Variants in C12orf60 observed in about 807,000 individuals in gnomAD.
C12orf60 encodes chromosome 12 open reading frame 60.
For synonymous variants in C12orf60, 102 were observed against 94.6 expected (o/e 1.08, Z -0.45); for missense variants, 284 against 283.2 (o/e 1.00, Z -0.02).
intron 1 of C12orf60, among the ~76,000 whole-genome samples, chr12:14,816,442 C>T (rs1024409527): frequency 6.6e-6 from 1 of 152,184 alleles, no homozygotes; most frequent in Admixed American, 6.5e-5. Context: ...CTTATGAATG[C>T]TGCACTTAAA....
intron 1 of C12orf60, chr12:14,804,586 C>T (rs1416129069): frequency 6.6e-6 from 1 of 152,036 alleles, no homozygotes; most frequent in African/African-American, 2.4e-5. Flanking sequence ...AAAGCAATGA[C>T]GAGATATTGT....
At position 14,823,135 on chromosome 12, in the gene C12orf60, T is replaced by G; in HGVS notation, c.200T>G (p.Phe67Cys). 1.9e-6 allele frequency: 3 copies of G among 1,614,188 alleles called. No homozygotes were observed. In the South Asian group the frequency reaches 3.3e-5, roughly 18 times the overall value. Residue 67 changes from phenylalanine (F) to cysteine (C), a missense_variant, in exon 2 of 2, where the codon TTT (phenylalanine) becomes TGT (cysteine). Physicochemically the swap from Phe to Cys is radical, Grantham distance 205. Coordinates refer to ENST00000330828, the MANE Select transcript of C12orf60 (RefSeq NM_175874.4). ...KDFFEQMLKIFKEMQSVVDAR... is the reference protein window; with the variant it reads ...KDFFEQMLKICKEMQSVVDAR... The stretch of plus-strand genomic sequence containing the variant: ...TTTTTTGAGCAAATGCTCAAAATTT[T>G]TAAGGAGATGCAATCTGTAGTGGAT...
intron 1 of C12orf60, among the ~76,000 whole-genome samples, chr12:14,813,241 T>G (rs1950168127): frequency 6.6e-6 from 1 of 152,240 alleles, no homozygotes; most frequent in Non-Finnish European, 1.5e-5. Flanking sequence ...GTTAGTGCTC[T>G]CTGAGGTTTT....
At chr12:14,810,448 A>G (rs1950119212) in intron 1 of C12orf60, among the ~76,000 whole-genome samples, 5 of 152,218 alleles carry the variant, frequency 3.3e-5, no homozygotes, top group Admixed American at 3.3e-4. Flanking sequence ...TACCACGTGT[A>G]AGGTCATATG....
At chr12:14,806,381 C>T in intron 1 of C12orf60, 1 of 1,614,176 alleles carries the variant, frequency 6.2e-7, no homozygotes, top group Non-Finnish European at 8.5e-7. Flanking sequence ...CCTTAATATC[C>T]TGAAGTTTTC....
rs1950343136 is a variant in C12orf60, at chr12:14,823,746, G to A, written c.*73G>A. 7.1e-7 allele frequency: 1 copy of A among 1,404,156 alleles called. No individual in the cohort carries two copies. The highest frequency in any genetic ancestry group is 1.4e-5 in the African/African-American group (1 of 69,332). 87.0% of individuals were successfully genotyped at this position (1,404,156 alleles called of 1,614,324 possible). A position where few individuals can be genotyped will look rare whatever the true frequency, so the allele number is the denominator to read the frequency against. On this transcript the variant is annotated 3_prime_UTR_variant, in exon 2 of 2. Transcript: ENST00000330828. ...TATGGTTTTTCATAGTAGTTTCTAA[G>A]ATCTTTTGGTGCCAAACATGTGCTA... is the stretch of plus-strand genomic sequence containing the variant.
In C12orf60 at chr12:14,806,311, C is replaced by T. The variant is rs375653575; in HGVS notation, c.-25+2560C>T. On this transcript the variant is annotated intron_variant, in intron 1 of 1. Coordinates refer to ENST00000330828, the MANE Select transcript of C12orf60 (RefSeq NM_175874.4). ...GCGACTGCACTGGCTGCAGATGTAG[C>T]TTCTCCCAGGATGACCGAAATAACC... 7 of 1,614,126 alleles carry T rather than the reference C, an allele frequency of 4.3e-6. No homozygotes were observed. In the African/African-American group the frequency reaches 6.7e-5, roughly 15 times the overall value.
At position 14,823,417 on chromosome 12, in the gene C12orf60, C is replaced by T; in HGVS notation, c.482C>T (p.Thr161Ile). 1.2e-6 allele frequency: 2 copies of T among 1,613,956 alleles called. No homozygotes were observed. The highest frequency in any genetic ancestry group is 8.5e-7 in the Non-Finnish European group (1 of 1,179,966). ...TTAAGTGACTTCTATACAGAAGACA[C>T]CAAAGAGCAATCAGATGTCACCACA... Reference protein sequence around the residue: ...LQLSDFYTEDTKEQSDVTTSE... With the variant: ...LQLSDFYTEDIKEQSDVTTSE... Residue 161 changes from threonine to isoleucine, a missense_variant, in exon 2 of 2, where the codon ACC becomes ATC. Coordinates refer to ENST00000330828, the MANE Select transcript of C12orf60 (RefSeq NM_175874.4).
intron 1 of C12orf60, among the ~76,000 whole-genome samples, chr12:14,813,324 G>A (rs1321590893): frequency 6.6e-6 from 1 of 152,130 alleles, no homozygotes; most frequent in Middle Eastern, 3.2e-3. Flanking sequence ...TTCCTTATCT[G>A]GGAGTGTGGA....
In C12orf60 at chr12:14,823,164, A is replaced by G. The variant is rs374839029; in HGVS notation, c.229A>G (p.Arg77Gly). The G allele has an allele frequency of 8.7e-6, 14 of 1,614,220 alleles. No individual in the cohort carries two copies. The highest frequency in any genetic ancestry group is 1.2e-5 in the Non-Finnish European group (14 of 1,180,040). ...GGAGATGCAATCTGTAGTGGATGCA[A>G]GACATGACAAAATTCAAAAGGAGTC... The part of the protein sequence containing the change: ...FKEMQSVVDA[R>G]HDKIQKESLC... Residue 77 changes from arginine (R) to glycine (G), a missense_variant, in exon 2 of 2, where the codon AGA becomes GGA. Transcript: ENST00000330828.
At chr12:14,815,609 T>C (rs1373871792) in intron 1 of C12orf60, among the ~76,000 whole-genome samples, 3 of 152,310 alleles carry the variant, frequency 2.0e-5, no homozygotes, top group Admixed American at 6.5e-5. Flanking sequence ...ATCCTTTTAA[T>C]TATGGTGTAA....
intron 1 of C12orf60, among the ~76,000 whole-genome samples, chr12:14,814,736 C>G (rs547805949): frequency 6.6e-6 from 1 of 152,298 alleles, no homozygotes; most frequent in Non-Finnish European, 1.5e-5. Flanking sequence ...CAACTTCACT[C>G]TTTTCCCTGA....
intron 1 of C12orf60, among the ~76,000 whole-genome samples, chr12:14,811,859 G>A (rs972866183): frequency 6.6e-6 from 1 of 152,242 alleles, no homozygotes; most frequent in Middle Eastern, 3.4e-3. Context: ...ATTAGAGAAA[G>A]CTTCATGGAG....
chr12:14,805,497 A>G (rs1351381540), intron 1 of C12orf60: 1 of 152,980 alleles, frequency 6.5e-6, no homozygotes, highest in African/African-American at 2.4e-5. Context: ...CTTCTAGTTT[A>G]CAGAAAACCA....
At chr12:14,812,138 C>T (rs1427870876) in intron 1 of C12orf60, among the ~76,000 whole-genome samples, 1 of 152,118 alleles carries the variant, frequency 6.6e-6, no homozygotes, top group Non-Finnish European at 1.5e-5. Flanking sequence ...AACACTTTCC[C>T]CTATTTATAG....
intron 1 of C12orf60, chr12:14,806,808 G>T (rs1426172954): frequency 4.1e-6 from 4 of 974,454 alleles, no homozygotes; most frequent in Non-Finnish European, 6.0e-6. Flanking sequence ...GCAAGATGCT[G>T]TCTAAGGATA....
chr12:14,804,417 C>T (rs995533224), intron 1 of C12orf60, among the ~76,000 whole-genome samples: 2 of 152,176 alleles, frequency 1.3e-5, no homozygotes, highest in African/African-American at 4.8e-5. Flanking sequence ...GCTATTCTTA[C>T]CACCAGTTAT....
intron 1 of C12orf60, among the ~76,000 whole-genome samples, chr12:14,809,806 T>A (rs1253502625): frequency 1.3e-5 from 2 of 152,056 alleles, no homozygotes; most frequent in East Asian, 3.8e-4. Context: ...AAAAAAGTAT[T>A]GTTATTATTT....
chr12:14,815,287 C>A (rs1950198425), intron 1 of C12orf60, among the ~76,000 whole-genome samples: 1 of 152,136 alleles, frequency 6.6e-6, no homozygotes, highest in Non-Finnish European at 1.5e-5. Context: ...AGGGCCCCAC[C>A]ACGTACGGAT....
Sources: allele counts gnomAD v4.1 joint callset (sites outside exome capture counted in the v4.1 genomes callset), GRCh38; gene constraint gnomAD v4.1.1; transcripts MANE v1.5; gene names NCBI Gene and HGNC (gene_info 2026-07-23, HGNC 2026-07-21).